NKAIN3: variants seen among roughly 807,000 people sequenced by gnomAD.
The protein encoded by NKAIN3 is sodium/potassium-transporting ATPase subunit beta-1-interacting protein 3.
A neutral mutation model predicts 30.2 loss-of-function variants in NKAIN3; 25 were observed. The ratio of observed to expected loss-of-function variants is 0.83; its 90% CI spans 0.60 to 1.16. The LOEUF is 1.16. NKAIN3 is among the 50% of genes most tolerant of loss of function. The pLI, the probability that NKAIN3 is intolerant of heterozygous loss-of-function variation, is 0.00. For missense variants in NKAIN3, 225 were observed against 254.1 expected (o/e 0.89, Z 0.78); for synonymous variants, 91 against 89.6 (o/e 1.02, Z -0.09).
intron 4 of NKAIN3, among the ~76,000 whole-genome samples, chr8:62,915,813 A>G (rs1822080329): frequency 6.6e-6 from 1 of 152,226 alleles, no homozygotes; most frequent in Non-Finnish European, 1.5e-5. Flanking sequence ...AAAATTTGCA[A>G]CAAATACAGC....
chr8:62,848,998 C>T (rs1355596270), intron 4 of NKAIN3, among the ~76,000 whole-genome samples: 2 of 152,142 alleles, frequency 1.3e-5, no homozygotes, highest in Non-Finnish European at 2.9e-5. Context: ...CAGCTTGCAT[C>T]TCAGAGATGA....
intron 1 of NKAIN3, among the ~76,000 whole-genome samples, chr8:62,394,104 C>T (rs777780612): frequency 2.6e-5 from 4 of 152,092 alleles, no homozygotes; most frequent in Admixed American, 6.6e-5. Flanking sequence ...ATACTTGCAG[C>T]GGTGAGAGTG....
chr8:62,747,468 C>T (rs1816117025), intron 4 of NKAIN3, among the ~76,000 whole-genome samples: 1 of 152,188 alleles, frequency 6.6e-6, no homozygotes, highest in South Asian at 2.1e-4. Flanking sequence ...TCGACTAATG[C>T]ACCTCAGTTC....
intron 1 of NKAIN3, among the ~76,000 whole-genome samples, chr8:62,522,517 C>T (rs1195528166): frequency 6.6e-6 from 1 of 151,762 alleles, no homozygotes; most frequent in African/African-American, 2.4e-5. Context: ...TCAGGAGGTA[C>T]CCAGAACAAG....
At chr8:62,274,208 C>T (rs1422859052) in intron 1 of NKAIN3, among the ~76,000 whole-genome samples, 2 of 152,164 alleles carry the variant, frequency 1.3e-5, no homozygotes, top group African/African-American at 4.8e-5. Context: ...GCACCACACA[C>T]ATAATGAGCA....
intron 3 of NKAIN3, among the ~76,000 whole-genome samples, chr8:62,636,602 G>A (rs17261588): frequency 0.2 from 31,123 of 152,130 alleles, 3,302 homozygotes; most frequent in East Asian, 0.34. Context: ...AAAAGGTCTC[G>A]TAGAGAATAA....
chr8:62,674,116 C>T (rs1055817522), intron 3 of NKAIN3, among the ~76,000 whole-genome samples: 5 of 152,166 alleles, frequency 3.3e-5, no homozygotes, highest in Non-Finnish European at 7.3e-5. Context: ...AGAATAATGT[C>T]CACCCTTCTT....
chr8:62,367,404 G>T (rs1041302134), intron 1 of NKAIN3, among the ~76,000 whole-genome samples: 2 of 152,122 alleles, frequency 1.3e-5, no homozygotes, highest in Non-Finnish European at 2.9e-5. Context: ...GGGCTGCAAG[G>T]ATGGTTCAAT....
rs1367972075 is a variant in NKAIN3, at chr8:62,856,157, C to G, written c.472-62296C>G. On this transcript the variant is annotated intron_variant, in intron 4 of 6. Coordinates refer to ENST00000623646, the MANE Select transcript of NKAIN3 (RefSeq NM_001304533.3). ...TCTGAGACTCCCATAGATCTCAGACCTCTTGGTATCACTAGGCAGAAGCAA... is the reference window on the plus strand; with the variant it reads ...TCTGAGACTCCCATAGATCTCAGACGTCTTGGTATCACTAGGCAGAAGCAA... The G allele has an allele frequency of 6.8e-6, 5 of 737,942 alleles. No homozygotes were observed. The African/African-American group carries it at 6.9e-5, about 10-fold the overall frequency. 45.7% of individuals were successfully genotyped at this position (737,942 alleles called of 1,614,324 possible). A position where few individuals can be genotyped will look rare whatever the true frequency, so the allele number is the denominator to read the frequency against.
At chr8:62,729,141 A>T (rs1815387446) in intron 3 of NKAIN3, among the ~76,000 whole-genome samples, 1 of 151,798 alleles carries the variant, frequency 6.6e-6, no homozygotes, top group Non-Finnish European at 1.5e-5. Flanking sequence ...TTGATAAAAG[A>T]GTGTTGTCCA....
At chr8:62,428,474 A>G (rs1804887657) in intron 1 of NKAIN3, among the ~76,000 whole-genome samples, 1 of 151,956 alleles carries the variant, frequency 6.6e-6, no homozygotes, top group Non-Finnish European at 1.5e-5. Context: ...ACAGTGTTCA[A>G]GTGTTCCCCT....
chr8:62,511,048 C>G (rs1807800372), intron 1 of NKAIN3, among the ~76,000 whole-genome samples: 1 of 152,144 alleles, frequency 6.6e-6, no homozygotes. Context: ...ACACATTGCT[C>G]TCAAACCTCC....
intron 3 of NKAIN3, among the ~76,000 whole-genome samples, chr8:62,737,199 C>T (rs1230950420): frequency 6.6e-6 from 1 of 152,148 alleles, no homozygotes; most frequent in East Asian, 1.9e-4. Context: ...TGAGTGGGAC[C>T]CACAAGTTAG....
rs577620142 is a variant in NKAIN3 at position 62,486,697 on chromosome 8, G to A, written c.55-92842G>A. The stretch of plus-strand genomic sequence containing the variant: ...CCGACACACACCCTGGATTGGAAAA[G>A]TGAGGAAGACATTATTAATCATCGC... On this transcript the variant is annotated intron_variant, in intron 1 of 6. Transcript: ENST00000623646. 4.3e-4 allele frequency among the ~76,000 whole-genome samples: 65 copies of A among 152,272 alleles called. No homozygotes were observed. The South Asian group carries it at 0.013, about 31-fold the overall frequency.
At chr8:62,283,545 A>T (rs1001853269) in intron 1 of NKAIN3, among the ~76,000 whole-genome samples, 1 of 152,146 alleles carries the variant, frequency 6.6e-6, no homozygotes, top group South Asian at 2.1e-4. Context: ...TAAATCATAT[A>T]TATGTCATTA....
At chr8:62,733,492 G>A (rs1180146483) in intron 3 of NKAIN3, among the ~76,000 whole-genome samples, 1 of 152,080 alleles carries the variant, frequency 6.6e-6, no homozygotes, top group Non-Finnish European at 1.5e-5. Flanking sequence ...TGCTTCCATT[G>A]TTGCTGTTGA....
chr8:62,695,586 A>G (rs558817155), intron 3 of NKAIN3, among the ~76,000 whole-genome samples: 11 of 152,236 alleles, frequency 7.2e-5, no homozygotes, highest in African/African-American at 2.7e-4. Flanking sequence ...CAATAAATCC[A>G]AAATTGAGGC....
At chr8:62,465,428 TTA>T (rs1468200509) in intron 1 of NKAIN3, among the ~76,000 whole-genome samples, 5 of 152,202 alleles carry the variant, frequency 3.3e-5, no homozygotes, top group Non-Finnish European at 7.3e-5. Context: ...AAGGGCCTAA[TTA>T]TATCTGCAAC....
At chr8:62,677,401 A>AG (rs952454289) in intron 3 of NKAIN3, among the ~76,000 whole-genome samples, 4 of 152,184 alleles carry the variant, frequency 2.6e-5, no homozygotes, top group African/African-American at 9.7e-5. Context: ...GGATGTGAGA[A>AG]GGGGGCATAA....
Sources: gnomAD v4.1 joint callset for allele counts (sites outside exome capture counted in the v4.1 genomes callset) on GRCh38, gnomAD v4.1.1 for gene constraint, MANE v1.5 for transcripts, NCBI Gene and HGNC (gene_info 2026-07-23, HGNC 2026-07-21) for gene names.